The following PDGFRA variants were observed in gnomAD, a reference collection of about 807,000 sequenced individuals.
PDGFRA encodes platelet-derived growth factor receptor alpha.
In PDGFRA, 25 loss-of-function variants were observed where a neutral mutation model predicts 121.5. The observed-to-expected ratio is 0.21, with a 90% CI of 0.15 to 0.29. PDGFRA has a LOEUF of 0.29. PDGFRA is among the 10% of genes least tolerant of loss of function. PDGFRA has a pLI of 1.00. For missense variants in PDGFRA, 1,008 were observed against 1,345.1 expected, an observed-to-expected ratio of 0.75 and a Z score of 3.92; for synonymous variants, 463 against 494.8, an observed-to-expected ratio of 0.94 and a Z score of 0.85.
rs1724923227 is a variant in PDGFRA, at chr4:54,297,296, G to A, written c.*2024G>A. 4.3e-6 allele frequency: 1 copy of A among 233,592 alleles called. No homozygotes were observed. The highest frequency in any genetic ancestry group is 2.2e-5 in the African/African-American group (1 of 45,338). The allele number at this position is 233,592 out of a possible 1,614,324, so 14.5% of individuals were successfully genotyped here. The stretch of plus-strand genomic sequence containing the variant: ...GGCAGATGATGCTTTGGAAGATGCA[G>A]AAGCAATAATAAAGTACTTGACTAC... On this transcript the variant is annotated 3_prime_UTR_variant, in exon 23 of 23. Transcript: ENST00000257290.
In PDGFRA at chr4:54,292,205, A is replaced by C. The variant is rs574840689; in HGVS notation, c.3122+1651A>C. 1.1e-3 allele frequency among the ~76,000 whole-genome samples: 165 copies of C among 152,332 alleles called. 1 individual carries two copies. Among genetic ancestry groups the C allele is most frequent in the Non-Finnish European group, 1.3e-3 (89 of 68,030 alleles). On this transcript the variant is annotated intron_variant, in intron 22 of 22. Coordinates refer to ENST00000257290, the MANE Select transcript of PDGFRA (RefSeq NM_006206.6). ...AGTGATGTAAATCATTCTATTATAA[A>C]GGCACATGAATGTGTATGTTCACTG...
chr4:54,295,090 G>C (rs770516406), intron 22 of PDGFRA, 35 bp from the exon 23 acceptor site: 1 of 1,604,334 alleles, frequency 6.2e-7, no homozygotes, highest in Admixed American at 1.7e-5. Context: ...TTCTGTGCAG[G>C]AGTTGTAATA....
chr4:54,268,855 C>G (rs1176955952), intron 7 of PDGFRA, among the ~76,000 whole-genome samples: 1 of 152,198 alleles, frequency 6.6e-6, no homozygotes, highest in African/African-American at 2.4e-5. Flanking sequence ...CGTGTGTGAG[C>G]ACTGTCTGCA....
chr4:54,286,077 A>T (rs1164841922), intron 18 of PDGFRA, 114 bp downstream of exon 18: 4 of 1,095,292 alleles, frequency 3.7e-6, no homozygotes, highest in Admixed American at 1.7e-5. Flanking sequence ...AATAGATTTC[A>T]AGGGGTCAGT....
In PDGFRA at chr4:54,290,523, G is replaced by A. The variant is rs1444450672; in HGVS notation, c.3091G>A (p.Glu1031Lys). ...PLPDIDPVPE[E>K]EDLGKRNRHS... ...GCCTGACATTGACCCTGTCCCTGAG[G>A]AGGAGGACCTGGGCAAGAGGAACAG... Residue 1031 changes from glutamate (E) to lysine (K), a missense_variant, in exon 22 of 23, where the codon GAG becomes AAG. Coordinates refer to ENST00000257290, the MANE Select transcript of PDGFRA (RefSeq NM_006206.6). 2 of 1,614,094 alleles carry A rather than the reference G, an allele frequency of 1.2e-6. No individual in the cohort carries two copies. The highest frequency in any genetic ancestry group is 1.3e-5 in the African/African-American group (1 of 74,948).
rs143003840 is a variant in PDGFRA, at chr4:54,274,925, C to T, written c.1738C>T (p.Leu580=). The stretch of plus-strand genomic sequence containing the variant: ...ATATATTTATGTGGACCCGATGCAG[C>T]TGCCTTATGACTCAAGATGGGAGTT... ...HEYIYVDPMQ[L]PYDSRWEFPR... Residue 580 remains leucine, a synonymous_variant, in exon 12 of 23, where the codon CTG becomes TTG. Transcript: ENST00000257290. The T allele has an allele frequency of 6.2e-7, 1 of 1,614,120 alleles. No individual in the cohort carries two copies. The highest frequency in any genetic ancestry group is 8.5e-7 in the Non-Finnish European group (1 of 1,179,980).
intron 9 of PDGFRA, 61 bp downstream of exon 9, chr4:54,272,581 T>G: frequency 6.4e-7 from 1 of 1,561,460 alleles, no homozygotes; most frequent in Non-Finnish European, 8.8e-7. Flanking sequence ...TTGACACAAA[T>G]GATGTCAAAT....
In PDGFRA at chr4:54,296,832, G is replaced by A. The variant is rs1724904768; in HGVS notation, c.*1560G>A. The A allele has an allele frequency of 4.3e-6, 1 of 232,912 alleles. No individual in the cohort carries two copies. The highest frequency in any genetic ancestry group is 2.2e-5 in the African/African-American group (1 of 45,350). The allele number at this position is 232,912 out of a possible 1,614,324, so 14.4% of individuals were successfully genotyped here. ...TATTTAAATCCTTGGCTTCAGGTTAGTGACATTTAATGCCATCTAGCTAGC... is the reference window on the plus strand; with the variant it reads ...TATTTAAATCCTTGGCTTCAGGTTAATGACATTTAATGCCATCTAGCTAGC... On this transcript the variant is annotated 3_prime_UTR_variant, in exon 23 of 23. Transcript: ENST00000257290.
intron 1 of PDGFRA, among the ~76,000 whole-genome samples, chr4:54,245,820 T>A (rs1721620313): frequency 6.6e-6 from 1 of 151,980 alleles, no homozygotes. Context: ...AGGAAACCCA[T>A]CTCACGTGCA....
intron 8 of PDGFRA, 117 bp downstream of exon 8, chr4:54,270,865 G>A (rs1409009620): frequency 1.1e-5 from 8 of 706,096 alleles, no homozygotes; most frequent in Non-Finnish European, 2.1e-5. Flanking sequence ...GAGAAGCAGT[G>A]TCTGCATATG....
rs1345566752 is a variant in PDGFRA at position 54,274,982 on chromosome 4, C to T, written c.1786+9C>T. On this transcript the variant is annotated intron_variant, in intron 12 of 22. Coordinates refer to ENST00000257290, the MANE Select transcript of PDGFRA (RefSeq NM_006206.6). ...AGATGGACTAGTGCTTGGTAAGTTC[C>T]ATGGGGTAACCTCCCAAGACTCCCT... 6.2e-6 allele frequency: 10 copies of T among 1,613,868 alleles called. No homozygotes were observed. The African/African-American group carries it at 1.2e-4, about 19-fold the overall frequency.
chr4:54,276,365 C>A (rs183688662), intron 12 of PDGFRA, among the ~76,000 whole-genome samples: 3 of 152,112 alleles, frequency 2.0e-5, no homozygotes, highest in Non-Finnish European at 4.4e-5. Context: ...ATAGGTCTCC[C>A]GTACAGCTGG....
At chr4:54,281,659 C>A (rs1364962841) in intron 16 of PDGFRA, 11 of 1,361,214 alleles carry the variant, frequency 8.1e-6, no homozygotes, top group Non-Finnish European at 8.7e-6. Context: ...GCAGGCAGAC[C>A]ACTGCTTTCT....
At chr4:54,260,753 C>T (rs1164966462) in intron 2 of PDGFRA, among the ~76,000 whole-genome samples, 1 of 151,972 alleles carries the variant, frequency 6.6e-6, no homozygotes, top group African/African-American at 2.4e-5. Context: ...GATTGTGAAC[C>T]ATAAAGAACC....
chr4:54,281,835 A>C, intron 16 of PDGFRA: 1 of 1,235,442 alleles, frequency 8.1e-7, no homozygotes, highest in Non-Finnish European at 1.0e-6. Context: ...ACAAGTTACA[A>C]ACAAAGAAAC....
intron 1 of PDGFRA, among the ~76,000 whole-genome samples, chr4:54,256,788 G>A (rs1722399622): frequency 6.6e-6 from 1 of 151,996 alleles, no homozygotes; most frequent in South Asian, 2.1e-4. Context: ...CAAGGCAGGA[G>A]GATTGCTTAA....
At chr4:54,268,504 A>T (rs1723162982) in intron 7 of PDGFRA, among the ~76,000 whole-genome samples, 1 of 152,246 alleles carries the variant, frequency 6.6e-6, no homozygotes, top group Non-Finnish European at 1.5e-5. Flanking sequence ...TACTTTTGTC[A>T]GAAATCATCT....
At chr4:54,283,745 C>T (rs562145586) in intron 16 of PDGFRA, among the ~76,000 whole-genome samples, 1 of 152,164 alleles carries the variant, frequency 6.6e-6, no homozygotes, top group African/African-American at 2.4e-5. Context: ...ATTTTCCAAC[C>T]TTTTATGCTC....
chr4:54,297,496 A>T lies in PDGFRA; in HGVS notation c.*2224A>T, dbSNP rs1043113406. On this transcript the variant is annotated 3_prime_UTR_variant, in exon 23 of 23. Transcript: ENST00000257290. ...GAATCACAGCTCAAGCATTCTGTTT[A>T]TCGCTCACTCTCCCTTGTACAGCCT... The T allele has an allele frequency of 8.6e-6, 2 of 233,620 alleles. No homozygotes were observed. The highest frequency in any genetic ancestry group is 2.2e-5 in the African/African-American group (1 of 45,354). 14.5% of individuals were successfully genotyped at this position (233,620 alleles called of 1,614,324 possible).
Sources: gnomAD v4.1 joint callset for allele counts (sites outside exome capture counted in the v4.1 genomes callset) on GRCh38, gnomAD v4.1.1 for gene constraint, MANE v1.5 for transcripts, NCBI Gene and HGNC (gene_info 2026-07-23, HGNC 2026-07-21) for gene names.